The following MS4A8 variants were observed in gnomAD, a reference collection of about 807,000 sequenced individuals.
MS4A8 encodes the protein membrane spanning 4-domains A8, also known as membrane-spanning 4-domains subfamily A member 8.
MS4A8 carries 27 observed loss-of-function variants against 23.7 expected under a neutral mutation model. That is an observed-to-expected ratio of 1.14 (90% CI 0.84 to 1.57). The LOEUF (loss-of-function observed/expected upper bound fraction) is 1.57. Among genes scored for constraint, MS4A8 ranks in the 40% most tolerant of loss-of-function variants. The pLI is 0.00. For missense variants in MS4A8, 301 were observed against 311.4 expected, an observed-to-expected ratio of 0.97 and a Z score of 0.25; for synonymous variants, 138 against 126.3, an observed-to-expected ratio of 1.09 and a Z score of -0.62.
At chr11:60,705,329 C>T (rs2088246643) in intron 3 of MS4A8, among the ~76,000 whole-genome samples, 1 of 152,258 alleles carries the variant, frequency 6.6e-6, no homozygotes, top group African/African-American at 2.4e-5. Context: ...CTGGATTCCA[C>T]CAAGTGCCAG....
At chr11:60,705,685 G>C (rs1322002062) in intron 3 of MS4A8, among the ~76,000 whole-genome samples, 3 of 152,218 alleles carry the variant, frequency 2.0e-5, no homozygotes, top group African/African-American at 2.4e-5. Flanking sequence ...TTGGAAGGCA[G>C]AAACAGCTGG....
At chr11:60,702,245 G>C (rs1470103768) in intron 2 of MS4A8, among the ~76,000 whole-genome samples, 2 of 152,150 alleles carry the variant, frequency 1.3e-5, no homozygotes, top group African/African-American at 4.8e-5. Flanking sequence ...GCTTACAGCT[G>C]GGCAAAATCA....
chr11:60,705,978 C>T (rs1200545489), intron 3 of MS4A8, among the ~76,000 whole-genome samples: 5 of 152,026 alleles, frequency 3.3e-5, no homozygotes, highest in African/African-American at 4.8e-5. Flanking sequence ...TTAAATGAGG[C>T]GAGGTTGAAC....
chr11:60,713,197 G>C (rs898534657), intron 5 of MS4A8, among the ~76,000 whole-genome samples: 1 of 144,210 alleles, frequency 6.9e-6, no homozygotes, highest in African/African-American at 2.4e-5. Context: ...GAAGGGGTGG[G>C]TTGCCCCTTC....
intron 5 of MS4A8, among the ~76,000 whole-genome samples, chr11:60,711,282 A>G (rs752802403): frequency 1.6e-4 from 24 of 152,232 alleles, no homozygotes; most frequent in Non-Finnish European, 2.9e-4. Context: ...ATCAACAGCC[A>G]TTAACTGTTG....
intron 3 of MS4A8, among the ~76,000 whole-genome samples, chr11:60,703,785 TCC>T: frequency 6.6e-6 from 1 of 152,336 alleles, no homozygotes; most frequent in Non-Finnish European, 1.5e-5. Flanking sequence ...GCAGATGTTT[TCC>T]CCTAAGGTCT....
chr11:60,713,861 G>A (rs2088319528), intron 5 of MS4A8, among the ~76,000 whole-genome samples: 1 of 151,432 alleles, frequency 6.6e-6, no homozygotes, highest in Non-Finnish European at 1.5e-5. Flanking sequence ...TGTGTCTCTG[G>A]GTACTTGAGA....
intron 3 of MS4A8, among the ~76,000 whole-genome samples, chr11:60,704,527 A>G (rs1285519145): frequency 6.6e-6 from 1 of 152,242 alleles, no homozygotes; most frequent in Non-Finnish European, 1.5e-5. Flanking sequence ...CCTGAGCTCC[A>G]GGAGAAAAAC....
intron 4 of MS4A8, among the ~76,000 whole-genome samples, chr11:60,707,663 G>A (rs1292172085): frequency 2.0e-5 from 3 of 152,162 alleles, no homozygotes; most frequent in African/African-American, 4.8e-5. Context: ...AGCTCAAAAT[G>A]TGGAAGCGTA....
chr11:60,702,377 A>G (rs1281547461), intron 2 of MS4A8, among the ~76,000 whole-genome samples: 1 of 152,226 alleles, frequency 6.6e-6, no homozygotes, highest in Non-Finnish European at 1.5e-5. Context: ...TACTGAATTC[A>G]TGTCACTTTC....
chr11:60,708,622 C>T (rs1196933425), intron 4 of MS4A8, 28 bp from the exon 5 acceptor site: 2 of 1,476,760 alleles, frequency 1.4e-6, no homozygotes, highest in Non-Finnish European at 9.0e-7. Context: ...CTTTTCTCGC[C>T]CATCCTGACC....
chr11:60,703,200 A>G (rs368674530), intron 2 of MS4A8, 178 bp from the exon 3 acceptor site: 27 of 632,550 alleles, frequency 4.3e-5, no homozygotes, highest in African/African-American at 3.9e-4. Context: ...CAAAATGTAA[A>G]CAGTTGTTTT....
intron 2 of MS4A8, 94 bp from the exon 3 acceptor site, chr11:60,703,284 A>G: frequency 2.2e-6 from 3 of 1,362,596 alleles, no homozygotes; most frequent in Non-Finnish European, 2.9e-6. Flanking sequence ...TTAGACCATG[A>G]AAATAAAACA....
At position 60,703,507 on chromosome 11, in the gene MS4A8, A is replaced by T; in HGVS notation, c.342+7A>T. On this transcript the variant is annotated splice_region_variant and intron_variant, in intron 3 of 6. Transcript: ENST00000300226. ...CTTCTGGGGAGGCTTGTGGGTGAGT[A>T]ACTCAAGTCCTCCTGCCGATGAGCT... 6.2e-7 allele frequency: 1 copy of T among 1,606,506 alleles called. No individual in the cohort carries two copies. Among genetic ancestry groups the T allele is most frequent in the Non-Finnish European group, 8.5e-7 (1 of 1,176,898 alleles).
chr11:60,700,840 T>G lies in MS4A8; in HGVS notation c.-1-20T>G, dbSNP rs752174575. On this transcript the variant is annotated intron_variant, in intron 1 of 6. Coordinates refer to ENST00000300226, the MANE Select transcript of MS4A8 (RefSeq NM_031457.2). Reference sequence around the variant, plus strand: ...AGTCCATATGTGAGGGAAAATTCTCTCGCATTTATTTCTTGGCAGCATGAA... The same window carrying G: ...AGTCCATATGTGAGGGAAAATTCTCGCGCATTTATTTCTTGGCAGCATGAA... 8 of 1,613,752 alleles carry G rather than the reference T, an allele frequency of 5.0e-6. No homozygotes were observed. Among genetic ancestry groups the G allele is most frequent in the Non-Finnish European group, 5.9e-6 (7 of 1,179,602 alleles).
chr11:60,708,771 C>G lies in MS4A8; in HGVS notation c.524C>G (p.Ala175Gly), dbSNP rs764071842. ...GCCTACCCCGACTATTATCCTTACGCCTGGGGTGTGGTGAGTATCCCTCTC... is the reference window on the plus strand; with the variant it reads ...GCCTACCCCGACTATTATCCTTACGGCTGGGGTGTGGTGAGTATCCCTCTC... ...PYAYPDYYPYAWGVNPGMAIS... is the reference protein window; with the variant it reads ...PYAYPDYYPYGWGVNPGMAIS... The change falls in exon 5 of 7, where the codon GCC becomes GGC. Residue 175 changes from alanine to glycine, a missense_variant. By Grantham distance (60) the Ala-to-Gly change is moderately conservative (BLOSUM62 0). Coordinates refer to ENST00000300226, the MANE Select transcript of MS4A8 (RefSeq NM_031457.2). The G allele has an allele frequency of 6.2e-6, 10 of 1,613,998 alleles. No homozygotes were observed. The South Asian group carries it at 1.1e-4, about 18-fold the overall frequency.
intron 2 of MS4A8, chr11:60,701,663 G>A (rs1465686433): frequency 1.1e-5 from 2 of 175,924 alleles, no homozygotes; most frequent in East Asian, 2.9e-4. Context: ...AACCCTTAGG[G>A]AGGGAAATTT....
intron 4 of MS4A8, among the ~76,000 whole-genome samples, chr11:60,708,001 T>C (rs2088271490): frequency 6.6e-6 from 1 of 151,146 alleles, no homozygotes; most frequent in African/African-American, 2.5e-5. Flanking sequence ...AGCTAATTAT[T>C]GTATTTTTTG....
chr11:60,700,928 A>G lies in MS4A8; in HGVS notation c.68A>G (p.Tyr23Cys). Residue 23 changes from tyrosine (Y) to cysteine (C), a missense_variant, in exon 2 of 7, where the codon TAT (tyrosine) becomes TGT (cysteine). By Grantham distance (194) the Tyr-to-Cys change is radical. Coordinates refer to ENST00000300226, the MANE Select transcript of MS4A8 (RefSeq NM_031457.2). The part of the protein sequence containing the change: ...SVLVVAPHNG[Y>C]PVTPGIMSHV... The stretch of plus-strand genomic sequence containing the variant: ...TTGGTGGTGGCACCCCACAATGGTT[A>G]TCCTGTGACCCCAGGAATTATGTCT... 1 of 1,614,190 alleles carries G rather than the reference A, an allele frequency of 6.2e-7. No homozygotes were observed. Among genetic ancestry groups the G allele is most frequent in the Non-Finnish European group, 8.5e-7 (1 of 1,180,022 alleles).
Sources: gnomAD v4.1 joint callset for allele counts (sites outside exome capture counted in the v4.1 genomes callset) on GRCh38, gnomAD v4.1.1 for gene constraint, MANE v1.5 for transcripts, NCBI Gene and HGNC (gene_info 2026-07-23, HGNC 2026-07-21) for gene names.